The following LARP4 variants were observed in gnomAD, a reference collection of about 807,000 sequenced individuals.
LARP4 encodes la-related protein 4.
In LARP4, 29 loss-of-function variants were observed where a neutral mutation model predicts 92.9. The ratio of observed to expected loss-of-function variants is 0.31; its 90% confidence interval spans 0.23 to 0.43. The LOEUF (loss-of-function observed/expected upper bound fraction) is 0.43, where lower values mean the gene tolerates loss of function less well. Among genes scored for constraint, LARP4 ranks in the 20% least tolerant of loss-of-function variants. The pLI is 1.00. For synonymous variants in LARP4, 279 were observed against 284.1 expected (o/e 0.98, Z 0.18); for missense variants, 732 against 860.0 (o/e 0.85, Z 1.86).
chr12:50,417,183 G>A (rs909663734), intron 1 of LARP4, among the ~76,000 whole-genome samples: 1 of 152,050 alleles, frequency 6.6e-6, no homozygotes, highest in African/African-American at 2.4e-5. Context: ...GCCGAGGTGG[G>A]TGGATAACGA....
At chr12:50,433,138 G>C (rs1949926324) in intron 4 of LARP4, among the ~76,000 whole-genome samples, 1 of 151,942 alleles carries the variant, frequency 6.6e-6, no homozygotes, top group Admixed American at 6.6e-5. Flanking sequence ...AGATCTGCTG[G>C]TTTCTCTATT....
At chr12:50,470,869 G>A (rs1446153103) in intron 13 of LARP4, among the ~76,000 whole-genome samples, 2 of 152,096 alleles carry the variant, frequency 1.3e-5, no homozygotes, top group African/African-American at 4.8e-5. Flanking sequence ...CTTTGTGATA[G>A]CAATTTTCTT....
At position 50,473,983 on chromosome 12, in the gene LARP4, G is replaced by T. The variant is rs1957259506; in HGVS notation, c.1668-16G>T. 1.4e-5 allele frequency: 22 copies of T among 1,604,746 alleles called. No homozygotes were observed. The highest frequency in any genetic ancestry group is 1.9e-5 in the Non-Finnish European group (22 of 1,177,184). On this transcript the variant is annotated splice_polypyrimidine_tract_variant and intron_variant, in intron 14 of 15. Transcript: ENST00000398473. ...TATGCTATTCTGAGTCTAATTGCAA[G>T]CTCTTTTTTCCTTAGCACAACTCAG...
chr12:50,474,233 CGT>C, intron 15 of LARP4, 66 bp downstream of exon 15: 1 of 1,149,718 alleles, frequency 8.7e-7, no homozygotes, highest in East Asian at 2.4e-5. Context: ...TTTTTTTTCA[CGT>C]AACACTTTGT....
At chr12:50,474,599 G>A (rs1298196789) in intron 15 of LARP4, among the ~76,000 whole-genome samples, 7 of 152,036 alleles carry the variant, frequency 4.6e-5, no homozygotes, top group East Asian at 1.9e-4. Flanking sequence ...CACCCGCCTC[G>A]GCCTCCCAAA....
At chr12:50,424,623 G>T (rs1948441021) in intron 1 of LARP4, among the ~76,000 whole-genome samples, 1 of 151,900 alleles carries the variant, frequency 6.6e-6, no homozygotes, top group Admixed American at 6.6e-5. Context: ...CTTCCAAAGT[G>T]CTGGGATTAC....
chr12:50,418,910 G>A (rs1303803478), intron 1 of LARP4, among the ~76,000 whole-genome samples: 1 of 151,488 alleles, frequency 6.6e-6, no homozygotes, highest in South Asian at 2.1e-4. Flanking sequence ...TGTAGAGGGG[G>A]GTGGTCTTCC....
At chr12:50,418,894 C>CT in intron 1 of LARP4, among the ~76,000 whole-genome samples, 1 of 151,854 alleles carries the variant, frequency 6.6e-6, no homozygotes. Flanking sequence ...AGTTTTTAAT[C>CT]TTTTTTGTAG....
chr12:50,438,238 C>A (rs1950709737), intron 6 of LARP4, among the ~76,000 whole-genome samples: 1 of 151,720 alleles, frequency 6.6e-6, no homozygotes, highest in South Asian at 2.1e-4. Flanking sequence ...GTGGCTCATG[C>A]CTGTAATCCC....
chr12:50,444,432 G>T (rs1951703285), intron 8 of LARP4, among the ~76,000 whole-genome samples: 4 of 151,814 alleles, frequency 2.6e-5, no homozygotes, highest in Middle Eastern at 6.8e-3. Context: ...TGCTTCTTTT[G>T]ATGAGCCATC....
chr12:50,461,185 G>A lies in LARP4; in HGVS notation c.1172G>A (p.Gly391Asp), dbSNP rs1385027473. Residue 391 changes from glycine (G) to aspartate (D), a missense_variant, in exon 11 of 16, where the codon GGC becomes GAC. This residue lies in a region of LARP4 where 264 missense variants were observed against 269.5 expected (regional missense o/e 0.98). Transcript: ENST00000398473. ...SSGGSEHSTE[G>D]SVSLGDGQLN... Reference sequence around the variant, plus strand: ...GGTGGTTCAGAACACTCAACAGAGGGCTCTGTATCCTTGGGGGATGGACAG... The same window carrying A: ...GGTGGTTCAGAACACTCAACAGAGGACTCTGTATCCTTGGGGGATGGACAG... The A allele has an allele frequency of 1.9e-6, 3 of 1,614,078 alleles. No individual in the cohort carries two copies. The highest frequency in any genetic ancestry group is 1.1e-5 in the South Asian group (1 of 91,076).
chr12:50,474,198 A>C (rs1211846485), intron 15 of LARP4, 31 bp downstream of exon 15: 5 of 1,541,896 alleles, frequency 3.2e-6, no homozygotes, highest in Non-Finnish European at 4.4e-6. Context: ...TATGTTAAAA[A>C]AAATACAATA....
chr12:50,442,652 G>A (rs1312973774), intron 8 of LARP4, among the ~76,000 whole-genome samples: 1 of 152,170 alleles, frequency 6.6e-6, no homozygotes, highest in Admixed American at 6.6e-5. Flanking sequence ...TGAACTCTGT[G>A]TGTCACTTTC....
intron 1 of LARP4, among the ~76,000 whole-genome samples, chr12:50,401,447 T>G (rs759577654): frequency 3.9e-5 from 6 of 152,158 alleles, no homozygotes; most frequent in African/African-American, 9.7e-5. Context: ...GCGAGCAACA[T>G]GTGGGGCCAC....
chr12:50,461,414 G>A (rs1955360834), intron 11 of LARP4, 67 bp downstream of exon 11: 5 of 1,308,382 alleles, frequency 3.8e-6, no homozygotes, highest in Non-Finnish European at 5.4e-6. Flanking sequence ...TGAAGAACAT[G>A]ATCTTCATAA....
At chr12:50,444,104 G>T (rs1353087797) in intron 8 of LARP4, among the ~76,000 whole-genome samples, 2 of 152,054 alleles carry the variant, frequency 1.3e-5, no homozygotes, top group Non-Finnish European at 2.9e-5. Flanking sequence ...ATGGAATTCT[G>T]TTCAATTTAT....
chr12:50,415,345 C>T (rs1946585512), intron 1 of LARP4, among the ~76,000 whole-genome samples: 1 of 152,078 alleles, frequency 6.6e-6, no homozygotes, highest in African/African-American at 2.4e-5. Flanking sequence ...GTATTCTTAG[C>T]ACCATTAATT....
At chr12:50,432,916 G>C (rs140154688) in intron 4 of LARP4, among the ~76,000 whole-genome samples, 2 of 149,674 alleles carry the variant, frequency 1.3e-5, no homozygotes, top group Admixed American at 1.3e-4. Context: ...ACTTGCGTTT[G>C]CCGCATTTTT....
At chr12:50,410,070 G>C (rs1391241775) in intron 1 of LARP4, among the ~76,000 whole-genome samples, 3 of 150,372 alleles carry the variant, frequency 2.0e-5, no homozygotes, top group African/African-American at 7.4e-5. Context: ...GGGATTACAG[G>C]TGTGAGCCAC....
Sources: allele counts gnomAD v4.1 joint callset (sites outside exome capture counted in the v4.1 genomes callset), GRCh38; gene constraint gnomAD v4.1.1; regional missense constraint gnomAD v4.1.1; transcripts MANE v1.5; gene names NCBI Gene and HGNC (gene_info 2026-07-23, HGNC 2026-07-21).